The following TTLL11 variants were observed in gnomAD, a reference collection of about 807,000 sequenced individuals.
The protein encoded by TTLL11 is tubulin tyrosine ligase like 11.
A neutral mutation model predicts 51.7 loss-of-function variants in TTLL11; 42 were observed. That is an observed-to-expected ratio of 0.81 (90% CI 0.64 to 1.05). The LOEUF (loss-of-function observed/expected upper bound fraction) is 1.05. TTLL11 is among the 50% of genes least tolerant of loss of function. The pLI is 0.00. For missense variants in TTLL11, 799 were observed against 940.4 expected (o/e 0.85, Z 1.97); for synonymous variants, 381 against 383.5 (o/e 0.99, Z 0.08).
At chr9:122,051,684 G>A (rs1257993949) in intron 1 of TTLL11, among the ~76,000 whole-genome samples, 3 of 151,878 alleles carry the variant, frequency 2.0e-5, no homozygotes, top group African/African-American at 7.3e-5. Flanking sequence ...CTTCCCACTC[G>A]CTGGTTGAGC....
At chr9:121,833,105 A>C (rs1243443791) in intron 8 of TTLL11, among the ~76,000 whole-genome samples, 1 of 152,212 alleles carries the variant, frequency 6.6e-6, no homozygotes, top group Non-Finnish European at 1.5e-5. Context: ...AGGTGCAGTT[A>C]GATTCGCTGG....
At chr9:121,968,649 C>T (rs530603989) in intron 6 of TTLL11, among the ~76,000 whole-genome samples, 36 of 152,162 alleles carry the variant, frequency 2.4e-4, no homozygotes, top group Non-Finnish European at 4.6e-4. Flanking sequence ...CTCTGCCTCC[C>T]GGGTTCAAGC....
chr9:121,980,180 G>GA (rs398012129), intron 4 of TTLL11, among the ~76,000 whole-genome samples: 26 of 150,330 alleles, frequency 1.7e-4, no homozygotes, highest in Non-Finnish European at 3.7e-4. Context: ...GGCCAGGGGG[G>GA]CCTTTCTTTT....
At chr9:122,011,569 T>C (rs1164413641) in intron 3 of TTLL11, among the ~76,000 whole-genome samples, 2 of 152,144 alleles carry the variant, frequency 1.3e-5, no homozygotes, top group Admixed American at 6.5e-5. Flanking sequence ...TTTCATGATT[T>C]TGATAATGAC....
At chr9:122,052,930 C>T (rs992543767) in intron 1 of TTLL11, among the ~76,000 whole-genome samples, 1 of 152,140 alleles carries the variant, frequency 6.6e-6, no homozygotes, top group African/African-American at 2.4e-5. Context: ...TGAAAACAAC[C>T]GCATAGGTGA....
chr9:121,836,691 C>A (rs984806977), intron 8 of TTLL11, among the ~76,000 whole-genome samples: 6 of 152,140 alleles, frequency 3.9e-5, no homozygotes, highest in Non-Finnish European at 1.5e-5. Flanking sequence ...TCCTCTGATG[C>A]AGGGCAGGGA....
chr9:121,946,489 C>T (rs141892418), intron 6 of TTLL11, among the ~76,000 whole-genome samples: 204 of 152,250 alleles, frequency 1.3e-3, no homozygotes, highest in African/African-American at 4.3e-3. Context: ...GCTTTGACCA[C>T]GGGAATCATA....
chr9:121,850,173 T>A (rs1212903937), intron 8 of TTLL11, among the ~76,000 whole-genome samples: 1 of 151,576 alleles, frequency 6.6e-6, no homozygotes, highest in Non-Finnish European at 1.5e-5. Context: ...GACAGAGAGA[T>A]AAATAGATAC....
chr9:121,831,969 G>C (rs1410334165), intron 8 of TTLL11, among the ~76,000 whole-genome samples: 3 of 152,170 alleles, frequency 2.0e-5, no homozygotes, highest in Non-Finnish European at 4.4e-5. Flanking sequence ...CTCTCTTCCT[G>C]GTTTGCAGAC....
At position 121,995,280 on chromosome 9, in the gene TTLL11, G is replaced by A. The variant is rs1843218144; in HGVS notation, c.694-5510C>T. Among the ~76,000 whole-genome samples the A allele has an allele frequency of 1.3e-5, 2 of 152,332 alleles. No homozygotes were observed. Among genetic ancestry groups the A allele is most frequent in the African/African-American group, 4.8e-5 (2 of 41,574 alleles). The stretch of plus-strand genomic sequence containing the variant: ...ACCCTGTATTTATACTCGATCTGCA[G>A]GCGAAGGATGGAGTTTCAACTGGCG... On this transcript the variant is annotated intron_variant, in intron 3 of 8. Coordinates refer to ENST00000321582, the MANE Select transcript of TTLL11 (RefSeq NM_001139442.2). The surrounding 1 kb of genome is among the most constrained non-coding windows in gnomAD (Gnocchi z 4.4).
At position 122,043,415 on chromosome 9, in the gene TTLL11, G is replaced by T. The variant is rs758561908; in HGVS notation, c.463-4047C>A. 6.2e-4 allele frequency among the ~76,000 whole-genome samples: 94 copies of T among 152,136 alleles called. 2 individuals are homozygous for T. Among genetic ancestry groups the T allele is most frequent in the Non-Finnish European group, 4.6e-4 (31 of 68,028 alleles). On this transcript the variant is annotated intron_variant, in intron 1 of 8. Coordinates refer to ENST00000321582, the MANE Select transcript of TTLL11 (RefSeq NM_001139442.2). The stretch of plus-strand genomic sequence containing the variant: ...AAGGGCAGTCTTTTCAACAAGTGGT[G>T]CTGGGAAAACTGAATATCCACGTGC...
intron 8 of TTLL11, among the ~76,000 whole-genome samples, chr9:121,828,615 G>T (rs575372150): frequency 6.6e-6 from 1 of 152,212 alleles, no homozygotes; most frequent in Admixed American, 6.5e-5. Flanking sequence ...CCCCGTCCCT[G>T]TTGAACACAA....
intron 6 of TTLL11, among the ~76,000 whole-genome samples, chr9:121,967,702 T>C (rs1382048038): frequency 6.6e-6 from 1 of 152,218 alleles, no homozygotes; most frequent in African/African-American, 2.4e-5. Flanking sequence ...AAATAGATCC[T>C]TGTAGCATCC....
chr9:121,933,189 A>G (rs1841060775), intron 6 of TTLL11, among the ~76,000 whole-genome samples: 15 of 152,212 alleles, frequency 9.9e-5, no homozygotes, highest in Admixed American at 9.8e-4. Context: ...ATCTGAAGGT[A>G]GAGAACATGT....
intron 6 of TTLL11, among the ~76,000 whole-genome samples, chr9:121,893,533 A>C (rs768037301): frequency 2.0e-5 from 3 of 152,236 alleles, no homozygotes; most frequent in Non-Finnish European, 4.4e-5. Context: ...GTCCCACAGC[A>C]GGTCTATGGC....
At chr9:122,063,450 T>C (rs1454969330) in intron 1 of TTLL11, among the ~76,000 whole-genome samples, 1 of 152,176 alleles carries the variant, frequency 6.6e-6, no homozygotes, top group Non-Finnish European at 1.5e-5. Context: ...GCTGTAGCCA[T>C]TCAGGTACAG....
intron 8 of TTLL11, among the ~76,000 whole-genome samples, chr9:121,828,441 C>T (rs1190403214): frequency 6.6e-6 from 1 of 152,134 alleles, no homozygotes; most frequent in Non-Finnish European, 1.5e-5. Flanking sequence ...TCCCAAAGTG[C>T]TGGTATTACA....
intron 3 of TTLL11, among the ~76,000 whole-genome samples, chr9:122,002,193 GC>G (rs1319092377): frequency 1.3e-5 from 2 of 152,190 alleles, no homozygotes; most frequent in East Asian, 3.9e-4. Context: ...CTGACCTCTG[GC>G]CAGTCACTTC....
chr9:121,916,199 A>G (rs1486149244), intron 6 of TTLL11, among the ~76,000 whole-genome samples: 1 of 152,270 alleles, frequency 6.6e-6, no homozygotes, highest in Non-Finnish European at 1.5e-5. Context: ...TGACATGGAA[A>G]GATGTCCTTA....
Sources: gnomAD v4.1 joint callset for allele counts (sites outside exome capture counted in the v4.1 genomes callset) on GRCh38, gnomAD v4.1.1 for gene constraint, Gnocchi (gnomAD v3.1) non-coding constraint, MANE v1.5 for transcripts, NCBI Gene and HGNC (gene_info 2026-07-23, HGNC 2026-07-21) for gene names.